Variants in GALNTL6 observed in about 807,000 individuals in gnomAD.
GALNTL6 encodes polypeptide N-acetylgalactosaminyltransferase like 6.
Under a neutral mutation model 73.7 loss-of-function variants are expected in GALNTL6, and 46 were observed. The observed-to-expected ratio is 0.62, with a 90% CI of 0.49 to 0.80. GALNTL6 has a LOEUF of 0.80. Among genes scored for constraint, GALNTL6 ranks in the 30% least tolerant of loss-of-function variants. The pLI is 0.00. For synonymous variants in GALNTL6, 259 were observed against 263.7 expected, an observed-to-expected ratio of 0.98 and a Z score of 0.17; for missense variants, 604 against 755.0, an observed-to-expected ratio of 0.80 and a Z score of 2.34.
intron 10 of GALNTL6, among the ~76,000 whole-genome samples, chr4:172,992,753 G>A (rs1435041327): frequency 6.6e-6 from 1 of 152,136 alleles, no homozygotes; most frequent in East Asian, 1.9e-4. Flanking sequence ...GGAGCAACTG[G>A]GAGGTTATTA....
chr4:171,835,948 T>G (rs755304598), intron 2 of GALNTL6, among the ~76,000 whole-genome samples: 7 of 152,062 alleles, frequency 4.6e-5, no homozygotes, highest in Non-Finnish European at 7.4e-5. Flanking sequence ...AATCAATTGA[T>G]AGTTGAACGA....
chr4:171,850,921 T>C (rs1325485554), intron 2 of GALNTL6, among the ~76,000 whole-genome samples: 1 of 152,140 alleles, frequency 6.6e-6, no homozygotes, highest in Non-Finnish European at 1.5e-5. Flanking sequence ...TTTAAGGTTC[T>C]TAGCCACCCC....
chr4:172,143,431 T>C (rs1166284606), intron 2 of GALNTL6, among the ~76,000 whole-genome samples: 1 of 152,068 alleles, frequency 6.6e-6, no homozygotes, highest in East Asian at 1.9e-4. Context: ...TTATTTTCCC[T>C]AGTAGATTTC....
At chr4:172,824,481 T>G (rs1426953980) in intron 7 of GALNTL6, among the ~76,000 whole-genome samples, 1 of 151,918 alleles carries the variant, frequency 6.6e-6, no homozygotes, top group African/African-American at 2.4e-5. Context: ...ATTTATATTA[T>G]TTATATGTGT....
At chr4:172,779,946 A>T (rs1739289354) in intron 5 of GALNTL6, among the ~76,000 whole-genome samples, 1 of 152,212 alleles carries the variant, frequency 6.6e-6, no homozygotes, top group Admixed American at 6.5e-5. Context: ...ATATCTAATT[A>T]AAAAGTATTC....
intron 5 of GALNTL6, among the ~76,000 whole-genome samples, chr4:172,524,113 A>T (rs541732012): frequency 6.6e-6 from 1 of 152,240 alleles, no homozygotes; most frequent in Non-Finnish European, 1.5e-5. Context: ...CTTTTTTAAA[A>T]CTTTATATAA....
chr4:172,936,448 T>G (rs773993158), intron 9 of GALNTL6, among the ~76,000 whole-genome samples: 40 of 152,170 alleles, frequency 2.6e-4, no homozygotes, highest in Non-Finnish European at 5.1e-4. Flanking sequence ...GAGAAAGAAA[T>G]AGAGTATTCA....
chr4:172,834,295 A>G (rs975525111), intron 7 of GALNTL6, among the ~76,000 whole-genome samples: 2 of 152,176 alleles, frequency 1.3e-5, no homozygotes, highest in African/African-American at 2.4e-5. Flanking sequence ...AGAGCCCCAC[A>G]TGGCCCAGGA....
chr4:172,955,856 C>T (rs1231178080), intron 10 of GALNTL6, among the ~76,000 whole-genome samples: 1 of 151,542 alleles, frequency 6.6e-6, no homozygotes, highest in Non-Finnish European at 1.5e-5. Context: ...GTGGGGGTCA[C>T]AAGGTGCTCA....
At chr4:171,919,411 T>A (rs1737717434) in intron 2 of GALNTL6, among the ~76,000 whole-genome samples, 1 of 152,250 alleles carries the variant, frequency 6.6e-6, no homozygotes, top group African/African-American at 2.4e-5. Context: ...ACTTTCATTA[T>A]GTATGGGTCA....
At chr4:172,266,596 T>G (rs1030983188) in intron 3 of GALNTL6, among the ~76,000 whole-genome samples, 12 of 152,118 alleles carry the variant, frequency 7.9e-5, no homozygotes, top group African/African-American at 2.4e-4. Context: ...CGAAAGTACA[T>G]TAAGTACTAG....
At chr4:172,163,968 A>G (rs1307015398) in intron 2 of GALNTL6, among the ~76,000 whole-genome samples, 1 of 152,018 alleles carries the variant, frequency 6.6e-6, no homozygotes, top group African/African-American at 2.4e-5. Context: ...TAATTATTAG[A>G]CAGAATTTCA....
At chr4:171,987,908 G>A (rs966503302) in intron 2 of GALNTL6, among the ~76,000 whole-genome samples, 1 of 152,132 alleles carries the variant, frequency 6.6e-6, no homozygotes. Flanking sequence ...TAATGTGGAA[G>A]TCGGGATTAA....
chr4:172,094,273 A>T (rs1204122449), intron 2 of GALNTL6, among the ~76,000 whole-genome samples: 1 of 152,168 alleles, frequency 6.6e-6, no homozygotes, highest in Non-Finnish European at 1.5e-5. Flanking sequence ...ACATTTCGTG[A>T]TTGTCTATCA....
intron 2 of GALNTL6, among the ~76,000 whole-genome samples, chr4:172,176,123 AGG>A: frequency 6.6e-6 from 1 of 152,014 alleles, no homozygotes; most frequent in South Asian, 2.1e-4. Context: ...GCGGATCACA[AGG>A]TCAGGAGATC....
intron 5 of GALNTL6, among the ~76,000 whole-genome samples, chr4:172,556,314 G>A (rs1444035764): frequency 2.0e-5 from 3 of 151,858 alleles, no homozygotes; most frequent in Non-Finnish European, 2.9e-5. Flanking sequence ...TCCAGGAGAG[G>A]GGAGTTTTGG....
At chr4:172,492,203 A>G (rs1733922022) in intron 5 of GALNTL6, among the ~76,000 whole-genome samples, 1 of 152,194 alleles carries the variant, frequency 6.6e-6, no homozygotes, top group Admixed American at 6.5e-5. Flanking sequence ...TCCCCAAAAT[A>G]TAAAATCCAT....
intron 5 of GALNTL6, among the ~76,000 whole-genome samples, chr4:172,367,625 T>A (rs182386969): frequency 6.6e-6 from 1 of 152,352 alleles, no homozygotes; most frequent in Non-Finnish European, 1.5e-5. Flanking sequence ...TTAATCTCAT[T>A]CACTTCTAGT....
At chr4:172,087,444 C>CAAAAAAAA in intron 2 of GALNTL6, among the ~76,000 whole-genome samples, 1 of 100,546 alleles carries the variant, frequency 9.9e-6, no homozygotes, top group Non-Finnish European at 2.0e-5. Flanking sequence ...GACTCCATCC[C>CAAAAAAAA]AAAAAAAAAA....
Sources: gnomAD v4.1 joint callset for allele counts (sites outside exome capture counted in the v4.1 genomes callset) on GRCh38, gnomAD v4.1.1 for gene constraint, MANE v1.5 for transcripts, NCBI Gene and HGNC (gene_info 2026-07-23, HGNC 2026-07-21) for gene names.